RELN: variants seen among roughly 807,000 people sequenced by gnomAD.
RELN encodes the protein reelin.
Under a neutral mutation model 427.6 loss-of-function variants are expected in RELN, and 108 were observed. That is an observed-to-expected ratio of 0.25 (90% CI 0.22 to 0.30). RELN has a LOEUF of 0.30. Ranked by LOEUF, RELN falls within the 10% of genes least tolerant of loss-of-function variation. The probability of loss-of-function intolerance (pLI) is 1.00; values close to 1 mark genes in which losing one functional copy is unlikely to be tolerated. For synonymous variants in RELN, 1,524 were observed against 1,513.4 expected, an observed-to-expected ratio of 1.01 and a Z score of -0.16; for missense variants, 3,715 against 4,302.8, an observed-to-expected ratio of 0.86 and a Z score of 3.82.
chr7:103,911,075 C>T (rs983218897), intron 2 of RELN, among the ~76,000 whole-genome samples: 1 of 143,974 alleles, frequency 6.9e-6, no homozygotes, highest in Non-Finnish European at 1.5e-5. Context: ...CAACCTACAA[C>T]ATGGGAGAAA....
At chr7:103,982,329 T>C (rs749141859) in intron 1 of RELN, among the ~76,000 whole-genome samples, 2 of 152,164 alleles carry the variant, frequency 1.3e-5, no homozygotes, top group Non-Finnish European at 2.9e-5. Flanking sequence ...TGCAGCTCCA[T>C]GTAATTCAGC....
At chr7:103,759,672 G>A (rs1791246992) in intron 4 of RELN, among the ~76,000 whole-genome samples, 1 of 152,074 alleles carries the variant, frequency 6.6e-6, no homozygotes, top group Non-Finnish European at 1.5e-5. Context: ...CGCGGTATGA[G>A]AAGAACCACT....
At chr7:103,792,022 C>G (rs559804367) in intron 3 of RELN, among the ~76,000 whole-genome samples, 21 of 152,032 alleles carry the variant, frequency 1.4e-4, no homozygotes, top group African/African-American at 2.2e-4. Flanking sequence ...AATGAAATAC[C>G]ATTCTACTCC....
chr7:103,863,682 T>C (rs1794125325), intron 2 of RELN, among the ~76,000 whole-genome samples: 2 of 152,116 alleles, frequency 1.3e-5, no homozygotes, highest in Admixed American at 6.6e-5. Context: ...ATTCAGGACA[T>C]TTCCTAACCT....
chr7:103,681,817 C>A (rs1368983163), intron 11 of RELN, among the ~76,000 whole-genome samples: 1 of 152,056 alleles, frequency 6.6e-6, no homozygotes, highest in Non-Finnish European at 1.5e-5. Context: ...ATTTTGTATT[C>A]TATAAACATT....
At chr7:103,477,835 T>C (rs1828089655) in intron 64 of RELN, among the ~76,000 whole-genome samples, 1 of 152,234 alleles carries the variant, frequency 6.6e-6, no homozygotes, top group Admixed American at 6.5e-5. Context: ...TGGCCAATCT[T>C]ACCTAAGGAC....
chr7:103,608,451 C>T (rs1831869947), intron 22 of RELN, among the ~76,000 whole-genome samples: 1 of 151,466 alleles, frequency 6.6e-6, no homozygotes, highest in African/African-American at 2.4e-5. Flanking sequence ...TTTGGAAAAG[C>T]AGAATTAAAT....
chr7:103,918,726 T>C (rs1795544085), intron 1 of RELN, among the ~76,000 whole-genome samples: 1 of 152,162 alleles, frequency 6.6e-6, no homozygotes. Context: ...AAAAGTATGT[T>C]ATGAATCCTA....
At chr7:103,505,093 A>G (rs1829163794) in intron 51 of RELN, among the ~76,000 whole-genome samples, 3 of 152,130 alleles carry the variant, frequency 2.0e-5, no homozygotes, top group Non-Finnish European at 2.9e-5. Flanking sequence ...TAAAACTTCC[A>G]TCTCCCTGGG....
Position 103,472,718 on chromosome 7 carries a change from A to G in RELN, c.*94T>C, listed in dbSNP as rs1385040041. On this transcript the variant is annotated 3_prime_UTR_variant, in exon 65 of 65. Coordinates refer to ENST00000428762, the MANE Select transcript of RELN (RefSeq NM_005045.4). ...TTCAGGTAATCACCAAGTCCTTCAC[A>G]GATATTTCCTGATATCAGATGTAGT... The G allele has an allele frequency of 8.9e-6, 9 of 1,010,498 alleles. No individual in the cohort carries two copies. The highest frequency in any genetic ancestry group is 1.2e-5 in the Non-Finnish European group (8 of 645,330). The allele number at this position is 1,010,498 out of a possible 1,614,324, so 62.6% of individuals were successfully genotyped here.
intron 6 of RELN, among the ~76,000 whole-genome samples, chr7:103,733,263 T>G (rs1790401746): frequency 6.6e-6 from 1 of 151,316 alleles, no homozygotes; most frequent in Admixed American, 6.6e-5. Flanking sequence ...CCAGTTAGAA[T>G]GGCAATCATT....
intron 4 of RELN, among the ~76,000 whole-genome samples, chr7:103,766,747 A>T (rs1791433366): frequency 6.6e-6 from 1 of 152,332 alleles, no homozygotes; most frequent in African/African-American, 2.4e-5. Context: ...AAGGGCCCTT[A>T]GAGAGCACAG....
At chr7:103,491,510 A>G (rs10249776) in intron 58 of RELN, among the ~76,000 whole-genome samples, 1,602 of 152,294 alleles carry the variant, frequency 0.011, 26 homozygotes, top group African/African-American at 0.037. Context: ...ATATAAAAAT[A>G]TGCACGAACT....
intron 3 of RELN, among the ~76,000 whole-genome samples, chr7:103,811,029 T>A (rs1353815672): frequency 3.9e-5 from 6 of 152,196 alleles, no homozygotes; most frequent in Non-Finnish European, 8.8e-5. Flanking sequence ...AGGTTTAAAA[T>A]AAAAACTATT....
In RELN at chr7:103,532,263, G is replaced by A. The variant is rs139582747; in HGVS notation, c.7349+3053C>T. 5.2e-4 allele frequency among the ~76,000 whole-genome samples: 79 copies of A among 152,200 alleles called. No homozygotes were observed. In the East Asian group the frequency reaches 0.01, roughly 20 times the overall value. ...CAATGAGAACACATGGACACACAAG[G>A]GGGGAACAACACACACTGGGGCTTG... On this transcript the variant is annotated intron_variant, in intron 46 of 64. Coordinates refer to ENST00000428762, the MANE Select transcript of RELN (RefSeq NM_005045.4).
intron 2 of RELN, among the ~76,000 whole-genome samples, chr7:103,872,028 A>ATTTTTTT (rs142665123): frequency 1.3e-4 from 14 of 104,706 alleles, no homozygotes; most frequent in South Asian, 2.9e-4. Flanking sequence ...ATATATATAT[A>ATTTTTTT]TATTTTTCTT....
chr7:103,962,649 TGTG>T (rs771295247), intron 1 of RELN, among the ~76,000 whole-genome samples: 2,055 of 18,644 alleles, frequency 0.11, 18 homozygotes, highest in Middle Eastern at 0.3. Flanking sequence ...AAAGTTGTTG[TGTG>T]TGTGTGTGTG....
chr7:103,882,349 A>G (rs1386845560), intron 2 of RELN, among the ~76,000 whole-genome samples: 3 of 152,156 alleles, frequency 2.0e-5, no homozygotes, highest in South Asian at 4.1e-4. Context: ...TTCTGGCTAT[A>G]TTACTATGAC....
At chr7:103,865,404 C>T (rs1385718333) in intron 2 of RELN, among the ~76,000 whole-genome samples, 1 of 151,968 alleles carries the variant, frequency 6.6e-6, no homozygotes, top group Non-Finnish European at 1.5e-5. Context: ...TTTATGAGGC[C>T]AGCATTACCT....
Sources: gnomAD v4.1 joint callset for allele counts (sites outside exome capture counted in the v4.1 genomes callset) on GRCh38, gnomAD v4.1.1 for gene constraint, MANE v1.5 for transcripts, NCBI Gene and HGNC (gene_info 2026-07-23, HGNC 2026-07-21) for gene names.